The following PCDH15 variants were observed in gnomAD, a reference collection of about 807,000 sequenced individuals.
PCDH15 encodes the protein protocadherin-15.
In PCDH15, 129 loss-of-function variants were observed where a neutral mutation model predicts 178.5. That is an observed-to-expected ratio of 0.72 (90% CI 0.63 to 0.84). The LOEUF is 0.84. Among genes scored for constraint, PCDH15 ranks in the 40% least tolerant of loss-of-function variants. The probability of loss-of-function intolerance (pLI) is 0.00; values close to 1 mark genes in which losing one functional copy is unlikely to be tolerated. For missense variants in PCDH15, 2,230 were observed against 2,099.9 expected (o/e 1.06, Z -1.21); for synonymous variants, 800 against 732.0 (o/e 1.09, Z -1.50).
intron 2 of PCDH15, among the ~76,000 whole-genome samples, chr10:55,426,998 A>AT (rs201985546): frequency 0.024 from 3,563 of 149,128 alleles, 67 homozygotes; most frequent in Non-Finnish European, 0.036. Flanking sequence ...CAGGCCATGG[A>AT]TTTTTTTTTT....
intron 8 of PCDH15, among the ~76,000 whole-genome samples, chr10:54,253,963 T>A (rs559038240): frequency 1.3e-5 from 2 of 152,202 alleles, no homozygotes; most frequent in South Asian, 4.1e-4. Flanking sequence ...ATATACAGCA[T>A]TTGTGCATTA....
chr10:55,183,193 T>A (rs7901317), intron 1 of PCDH15, among the ~76,000 whole-genome samples: 94,026 of 151,760 alleles, frequency 0.62, 29,656 homozygotes, highest in East Asian at 0.68. Flanking sequence ...ACTTCTCAGT[T>A]TCATATATTT....
chr10:54,718,027 C>A (rs186849074), intron 1 of PCDH15, among the ~76,000 whole-genome samples: 1 of 146,158 alleles, frequency 6.8e-6, no homozygotes, highest in Admixed American at 6.8e-5. Flanking sequence ...AACCAAACAC[C>A]GCACAGTCTC....
At chr10:54,777,841 C>G (rs533756634) in intron 1 of PCDH15, among the ~76,000 whole-genome samples, 68 of 152,214 alleles carry the variant, frequency 4.5e-4, no homozygotes, top group African/African-American at 1.5e-3. Flanking sequence ...AAGCTGGAAA[C>G]GAGGGCCTCT....
chr10:54,877,337 C>T (rs1400592572), intron 3 of PCDH15, among the ~76,000 whole-genome samples: 1 of 152,018 alleles, frequency 6.6e-6, no homozygotes, highest in African/African-American at 2.4e-5. Context: ...TACTTTTTCC[C>T]CCAAATATTT....
At chr10:55,392,830 C>A (rs1414542131) in intron 2 of PCDH15, among the ~76,000 whole-genome samples, 1 of 151,946 alleles carries the variant, frequency 6.6e-6, no homozygotes, top group African/African-American at 2.4e-5. Context: ...GAAACTGAAA[C>A]AAAAACTATT....
rs1217541413 is a variant in PCDH15 at position 55,301,339 on chromosome 10, G to A, written c.-156+18260C>T. Among the ~76,000 whole-genome samples, 4 of 152,132 alleles carry A rather than the reference G, an allele frequency of 2.6e-5. No individual in the cohort carries two copies. In the East Asian group the frequency reaches 7.7e-4, roughly 29 times the overall value. On this transcript the variant is annotated intron_variant, in intron 1 of 5. Coordinates refer to the PCDH15 transcript ENST00000458638. ...CGATGCCTCCTTATGGTTTTCACTT[G>A]CATTTCCTTAATGGCTAATGACATT...
chr10:55,613,808 A>C (rs1047227615), intron 2 of PCDH15, among the ~76,000 whole-genome samples: 6 of 152,174 alleles, frequency 3.9e-5, no homozygotes, highest in African/African-American at 7.2e-5. Flanking sequence ...TCAATTACTG[A>C]ATACATTTTT....
chr10:54,428,331 G>T (rs745956950), intron 3 of PCDH15, among the ~76,000 whole-genome samples: 2 of 152,198 alleles, frequency 1.3e-5, no homozygotes, highest in East Asian at 3.9e-4. Flanking sequence ...AGGACTGGCT[G>T]AAGACTCAGT....
chr10:55,200,391 T>C (rs747153967), intron 1 of PCDH15, among the ~76,000 whole-genome samples: 1 of 152,124 alleles, frequency 6.6e-6, no homozygotes, highest in Non-Finnish European at 1.5e-5. Context: ...CTGTCTGGAA[T>C]GGAATCATTT....
chr10:54,025,748 C>T (rs898725775), intron 18 of PCDH15, among the ~76,000 whole-genome samples: 1 of 152,110 alleles, frequency 6.6e-6, no homozygotes, highest in African/African-American at 2.4e-5. Context: ...CCACCCGCCT[C>T]GGCCTCCCAA....
intron 3 of PCDH15, among the ~76,000 whole-genome samples, chr10:54,438,865 T>C (rs115423712): frequency 2.6e-5 from 4 of 152,220 alleles, no homozygotes; most frequent in African/African-American, 9.6e-5. Flanking sequence ...GAAAGCACTC[T>C]CACTTAGGCA....
intron 1 of PCDH15, among the ~76,000 whole-genome samples, chr10:55,318,564 A>G (rs1843792903): frequency 6.6e-6 from 1 of 152,272 alleles, no homozygotes; most frequent in Admixed American, 6.5e-5. Flanking sequence ...GAAATGAAGA[A>G]GTACCCAGAA....
chr10:54,471,114 G>A (rs1041907828), intron 3 of PCDH15, among the ~76,000 whole-genome samples: 7 of 152,010 alleles, frequency 4.6e-5, no homozygotes, highest in Admixed American at 3.9e-4. Context: ...TACATGTATT[G>A]TACAATATAG....
At chr10:55,211,958 G>C (rs960042406) in intron 1 of PCDH15, among the ~76,000 whole-genome samples, 1 of 21,818 alleles carries the variant, frequency 4.6e-5, no homozygotes, top group Non-Finnish European at 8.4e-5. Flanking sequence ...TTCTAACAAA[G>C]AGCAGCCTGA....
chr10:54,358,460 A>G (rs1025459853), intron 5 of PCDH15, among the ~76,000 whole-genome samples: 11 of 152,208 alleles, frequency 7.2e-5, no homozygotes, highest in African/African-American at 2.4e-4. Flanking sequence ...AACCACAATG[A>G]GATACCATCT....
At chr10:54,804,201 A>T (rs1268900083), upstream of PCDH15, among the ~76,000 whole-genome samples, 1 of 151,990 alleles carries the variant, frequency 6.6e-6, no homozygotes, top group Non-Finnish European at 1.5e-5. Flanking sequence ...CACCACGCCC[A>T]GCTAATTTTT....
intron 25 of PCDH15, among the ~76,000 whole-genome samples, chr10:53,906,257 C>CT (rs138230241): frequency 0.078 from 11,701 of 150,498 alleles, 1,264 homozygotes; most frequent in African/African-American, 0.24. Context: ...ACTAGTCTTC[C>CT]TTTTTTTTTG....
chr10:54,629,743 C>A (rs1368003389), intron 2 of PCDH15, among the ~76,000 whole-genome samples: 2 of 151,854 alleles, frequency 1.3e-5, no homozygotes, highest in Non-Finnish European at 2.9e-5. Flanking sequence ...CTAGACAGAG[C>A]AATCAGGCAA....
Sources: allele counts gnomAD v4.1 joint callset (sites outside exome capture counted in the v4.1 genomes callset), GRCh38; gene constraint gnomAD v4.1.1; transcripts MANE v1.5; gene names NCBI Gene and HGNC (gene_info 2026-07-23, HGNC 2026-07-21).